TEX14: variants seen among roughly 807,000 people sequenced by gnomAD.
The protein encoded by TEX14 is testis expressed 14, intercellular bridge forming factor, also known as inactive serine/threonine-protein kinase TEX14.
In TEX14, 168 loss-of-function variants were observed where a neutral mutation model predicts 178.6. That is an observed-to-expected ratio of 0.94 (90% CI 0.83 to 1.07). The LOEUF is 1.07. Ranked by LOEUF, TEX14 falls within the 50% of genes least tolerant of loss-of-function variation. The probability of loss-of-function intolerance (pLI) is 0.00; values close to 1 mark genes in which losing one functional copy is unlikely to be tolerated. For synonymous variants in TEX14, 626 were observed against 634.1 expected (o/e 0.99, Z 0.19); for missense variants, 1,730 against 1,753.6 (o/e 0.99, Z 0.24).
intron 1 of TEX14, chr17:58,661,556 G>C: frequency 1.3e-6 from 1 of 751,156 alleles, no homozygotes; most frequent in Non-Finnish European, 2.5e-6. Context: ...GAACAGCTCG[G>C]GGAGCCGCGG....
At chr17:58,581,492 G>A (rs914946767) in intron 19 of TEX14, 13 of 1,133,694 alleles carry the variant, frequency 1.1e-5, no homozygotes, top group Admixed American at 9.0e-5. Context: ...CACCAAAAAA[G>A]GTATAAAAAA....
intron 17 of TEX14, among the ~76,000 whole-genome samples, chr17:58,587,216 G>A (rs1421881246): frequency 6.6e-6 from 1 of 152,090 alleles, no homozygotes; most frequent in Non-Finnish European, 1.5e-5. Context: ...AATTGGTTTT[G>A]TTATACATCG....
chr17:58,559,366 G>A, intron 30 of TEX14, 87 bp downstream of exon 30: 2 of 653,264 alleles, frequency 3.1e-6, no homozygotes, highest in Non-Finnish European at 5.4e-6. Flanking sequence ...ATTATGTATA[G>A]CATCTGGGAA....
chr17:58,631,787 A>G (rs937773853), intron 2 of TEX14: 3 of 152,146 alleles, frequency 2.0e-5, no homozygotes, highest in Admixed American at 6.6e-5. Flanking sequence ...ACGTTCAGAT[A>G]TACTCCTCGA....
rs374944747 is a variant in TEX14, at chr17:58,585,897, C to G, written c.2974G>C (p.Asp992His). 1 of 1,614,048 alleles carries G rather than the reference C, an allele frequency of 6.2e-7. No homozygotes were observed. Among genetic ancestry groups the G allele is most frequent in the African/African-American group, 1.3e-5 (1 of 74,984 alleles). The change falls in exon 18 of 32, where the codon GAT becomes CAT. Residue 992 changes from aspartate (D) to histidine (H), a missense_variant. This residue lies in a region of TEX14 where 941 missense variants were observed against 1,072.4 expected (regional missense o/e 0.88). Coordinates refer to ENST00000349033, the MANE Select transcript of TEX14 (RefSeq NM_031272.5). Reference protein sequence around the residue: ...QRVIEYHRENDEPRGNGKFDK... With the variant: ...QRVIEYHRENHEPRGNGKFDK... ...AACTTGCCATTTCCTCTGGGCTCAT[C>G]ATTTTCCCTATGATACTCAATAACT...
At chr17:58,581,522 C>T (rs1045241291) in intron 19 of TEX14, 4 of 1,429,084 alleles carry the variant, frequency 2.8e-6, no homozygotes, top group Non-Finnish European at 3.9e-6. Context: ...ACATTACATA[C>T]TTTGATATGT....
At chr17:58,574,654 G>C (rs896024488) in intron 21 of TEX14, among the ~76,000 whole-genome samples, 1 of 106,576 alleles carries the variant, frequency 9.4e-6, no homozygotes, top group Non-Finnish European at 1.7e-5. Flanking sequence ...AGCCTGGGCA[G>C]CAAGAATGAG....
Position 58,564,857 on chromosome 17 carries a change from T to C in TEX14, c.4064+12A>G. On this transcript the variant is annotated intron_variant, in intron 28 of 31. Coordinates refer to ENST00000349033, the MANE Select transcript of TEX14 (RefSeq NM_031272.5). ...TTTTAAATCCTTTCAACAGTCCAGC[T>C]TTTCCTGTTACCTCTCTGTGTCCTC... is the stretch of plus-strand genomic sequence containing the variant. The C allele has an allele frequency of 6.6e-7, 1 of 1,511,482 alleles. No individual in the cohort carries two copies. The highest frequency in any genetic ancestry group is 9.1e-7 in the Non-Finnish European group (1 of 1,104,408). The allele number at this position is 1,511,482 out of a possible 1,614,324, so 93.6% of individuals were successfully genotyped here. A position where few individuals can be genotyped will look rare whatever the true frequency, so the allele number is the denominator to read the frequency against.
At chr17:58,557,672 A>T in intron 31 of TEX14, 127 bp downstream of exon 31, 2 of 701,174 alleles carry the variant, frequency 2.9e-6, no homozygotes, top group Non-Finnish European at 4.7e-6. Context: ...TTTAAAAATT[A>T]AGCAACTTTG....
intron 1 of TEX14, chr17:58,659,252 C>T (rs985553676): frequency 4.2e-6 from 3 of 714,884 alleles, no homozygotes; most frequent in East Asian, 1.4e-4. Flanking sequence ...AACCCTCCCC[C>T]AAGAAAAACA....
intron 4 of TEX14, 128 bp from the exon 5 acceptor site, chr17:58,621,914 G>T: frequency 1.9e-6 from 2 of 1,058,244 alleles, no homozygotes; most frequent in Non-Finnish European, 2.6e-6. Flanking sequence ...AAAGGAAAGG[G>T]CCCAGGTGAT....
At position 58,602,504 on chromosome 17, in the gene TEX14, G is replaced by A; in HGVS notation, c.1423C>T (p.Pro475Ser). 6.2e-7 allele frequency: 1 copy of A among 1,613,968 alleles called. No homozygotes were observed. The highest frequency in any genetic ancestry group is 8.5e-7 in the Non-Finnish European group (1 of 1,180,000). The change falls in exon 12 of 32, where the codon CCG becomes TCG. Residue 475 changes from proline to serine, a missense_variant. Coordinates refer to ENST00000349033, the MANE Select transcript of TEX14 (RefSeq NM_031272.5). ...GNYLEADVRL[P>S]KPYYDIVKSG... ...TTAACAATATCATAGTAAGGTTTCG[G>A]AAGCCTGACATCAGCTTCTAAATAA...
chr17:58,630,327 A>G (rs2046257695), intron 3 of TEX14, 113 bp downstream of exon 3: 1 of 742,656 alleles, frequency 1.3e-6, no homozygotes, highest in Non-Finnish European at 2.3e-6. Flanking sequence ...AAGTGCTGGG[A>G]TTATAGGTAT....
chr17:58,586,500 T>C (rs981148884), intron 17 of TEX14, among the ~76,000 whole-genome samples: 2 of 152,328 alleles, frequency 1.3e-5, no homozygotes, highest in African/African-American at 4.8e-5. Flanking sequence ...TATATGCATG[T>C]TTTCATTTCA....
chr17:58,636,918 A>G (rs957803679), intron 2 of TEX14, among the ~76,000 whole-genome samples: 4 of 143,814 alleles, frequency 2.8e-5, no homozygotes, highest in Non-Finnish European at 6.1e-5. Flanking sequence ...GTCTCAAAAA[A>G]AAAAGAAGAA....
In TEX14 at chr17:58,594,321, A is replaced by G. The variant is rs537591725; in HGVS notation, c.2470-660T>C. ...AGTAAAGGCCCTTGGGTTCTAGTCT[A>G]AGTGTTATTCAGACTAACATAAGAG... On this transcript the variant is annotated intron_variant, in intron 14 of 31. Coordinates refer to ENST00000349033, the MANE Select transcript of TEX14 (RefSeq NM_031272.5). Among the ~76,000 whole-genome samples the G allele has an allele frequency of 3.9e-5, 6 of 152,042 alleles. No homozygotes were observed. The South Asian group carries it at 1.2e-3, about 32-fold the overall frequency.
In TEX14 at chr17:58,587,942, G is replaced by A. The variant is rs147134383; in HGVS notation, c.2656C>T (p.Arg886Trp). 18 of 1,604,422 alleles carry A rather than the reference G, an allele frequency of 1.1e-5. No homozygotes were observed. The highest frequency in any genetic ancestry group is 1.7e-5 in the Admixed American group (1 of 59,548). ...CTGGGTGATGCAGAAGGTCCCTGCC[G>A]GTGGCTTGACAGAGTGAAGAGTGCA... ...NSALFTLSSH[R>W]QGPSASPSCH... The change falls in exon 16 of 32, where the codon CGG (arginine) becomes TGG (tryptophan). Residue 886 changes from arginine (R) to tryptophan (W), a missense_variant. Transcript: ENST00000349033.
intron 19 of TEX14, chr17:58,581,773 G>C: frequency 6.3e-7 from 1 of 1,597,554 alleles, no homozygotes; most frequent in South Asian, 1.1e-5. Flanking sequence ...GCTGTTCATT[G>C]TAACGAAATC....
intron 15 of TEX14, among the ~76,000 whole-genome samples, chr17:58,592,623 C>G (rs187625756): frequency 6.6e-6 from 1 of 151,660 alleles, no homozygotes; most frequent in African/African-American, 2.4e-5. Context: ...TGTGAGCCAC[C>G]GCACCCAGCT....
Sources: gnomAD v4.1 joint callset for allele counts (sites outside exome capture counted in the v4.1 genomes callset) on GRCh38, gnomAD v4.1.1 for gene constraint, gnomAD v4.1.1 regional missense constraint, MANE v1.5 for transcripts, NCBI Gene and HGNC (gene_info 2026-07-23, HGNC 2026-07-21) for gene names.